EXOC4: variants seen among roughly 807,000 people sequenced by gnomAD.
EXOC4 encodes exocyst complex component 4, also known as SEC8-like 1.
Under a neutral mutation model 107.2 loss-of-function variants are expected in EXOC4, and 71 were observed. That is an observed-to-expected ratio of 0.66 (90% confidence interval 0.55 to 0.81). The LOEUF (loss-of-function observed/expected upper bound fraction) is 0.81. EXOC4 is among the 30% of genes least tolerant of loss of function. The probability of loss-of-function intolerance (pLI) is 0.00; values close to 1 mark genes in which losing one functional copy is unlikely to be tolerated. For missense variants in EXOC4, 1,108 were observed against 1,189.6 expected (o/e 0.93, Z 1.01); for synonymous variants, 456 against 441.2 (o/e 1.03, Z -0.42).
At chr7:133,573,570 T>C (rs1387397312) in intron 9 of EXOC4, among the ~76,000 whole-genome samples, 1 of 152,030 alleles carries the variant, frequency 6.6e-6, no homozygotes, top group East Asian at 1.9e-4. Flanking sequence ...AAGTATACAG[T>C]CCTGTGGAAC....
intron 11 of EXOC4, among the ~76,000 whole-genome samples, chr7:133,857,507 C>CT (rs71162036): frequency 1 from 147,830 of 147,832 alleles, 73,914 homozygotes; most frequent in Non-Finnish European, 1. Context: ...GTTCTGTCCC[C>CT]TGGGCTGCCA....
At chr7:133,270,439 A>G (rs999060845) in intron 1 of EXOC4, among the ~76,000 whole-genome samples, 1 of 152,180 alleles carries the variant, frequency 6.6e-6, no homozygotes, top group Non-Finnish European at 1.5e-5. Flanking sequence ...GATGAAAGCA[A>G]AAAAGATGGT....
intron 10 of EXOC4, among the ~76,000 whole-genome samples, chr7:133,632,554 A>T (rs948601612): frequency 2.0e-5 from 3 of 152,134 alleles, no homozygotes; most frequent in African/African-American, 7.2e-5. Context: ...TTGAGTTTTC[A>T]CACTTCAGCA....
At chr7:133,804,182 T>C (rs1797015799) in intron 10 of EXOC4, among the ~76,000 whole-genome samples, 1 of 152,192 alleles carries the variant, frequency 6.6e-6, no homozygotes, top group Non-Finnish European at 1.5e-5. Flanking sequence ...TTGTAGATAC[T>C]GTTCAGGCAA....
chr7:134,068,710 C>T (rs1796222007), downstream of EXOC4, among the ~76,000 whole-genome samples: 1 of 152,174 alleles, frequency 6.6e-6, no homozygotes, highest in African/African-American at 2.4e-5. Context: ...GAAGCCCCAC[C>T]CTCTCTCCAA....
intron 7 of EXOC4, among the ~76,000 whole-genome samples, chr7:133,377,283 G>T (rs1443990438): frequency 2.6e-5 from 4 of 152,170 alleles, no homozygotes; most frequent in Non-Finnish European, 4.4e-5. Context: ...GAACCTAGGA[G>T]GTGGAGGTTG....
chr7:133,861,973 G>T (rs1798543357), intron 11 of EXOC4, among the ~76,000 whole-genome samples: 1 of 152,170 alleles, frequency 6.6e-6, no homozygotes, highest in Non-Finnish European at 1.5e-5. Flanking sequence ...AGTTGGGAAT[G>T]TCAAAGGGAT....
intron 6 of EXOC4, among the ~76,000 whole-genome samples, chr7:133,368,536 T>A (rs1386923617): frequency 2.0e-5 from 3 of 152,162 alleles, no homozygotes; most frequent in East Asian, 3.8e-4. Context: ...TGCTTTTTTT[T>A]AAGTGTTACA....
At chr7:133,791,279 G>A (rs1237300997) in intron 10 of EXOC4, among the ~76,000 whole-genome samples, 2 of 152,174 alleles carry the variant, frequency 1.3e-5, no homozygotes, top group African/African-American at 4.8e-5. Flanking sequence ...GAATATGAAT[G>A]CATGCATGAT....
chr7:133,815,473 C>G (rs1797346610), intron 10 of EXOC4, among the ~76,000 whole-genome samples: 1 of 151,586 alleles, frequency 6.6e-6, no homozygotes, highest in Admixed American at 6.6e-5. Context: ...ATTTAGTACA[C>G]TGTAACATTA....
chr7:133,453,044 G>T (rs1798382731), intron 7 of EXOC4, among the ~76,000 whole-genome samples: 1 of 152,206 alleles, frequency 6.6e-6, no homozygotes, highest in East Asian at 1.9e-4. Flanking sequence ...TACCTTTTCT[G>T]GGAGGAGAAT....
At position 133,564,401 on chromosome 7, in the gene EXOC4, C is replaced by T. The variant is rs369953272; in HGVS notation, c.1418-65644C>T. On this transcript the variant is annotated intron_variant, in intron 9 of 17. Coordinates refer to ENST00000253861, the MANE Select transcript of EXOC4 (RefSeq NM_021807.4). ...AAATCCACCCCTACGATCCAGTCAC[C>T]TCCTACCAGGCTCTACCTCCAGTAC... Among the ~76,000 whole-genome samples the T allele has an allele frequency of 2.6e-5, 4 of 152,138 alleles. No homozygotes were observed. In the East Asian group the frequency reaches 7.7e-4, roughly 29 times the overall value.
chr7:133,887,874 A>G (rs965591454), intron 11 of EXOC4, among the ~76,000 whole-genome samples: 1 of 152,164 alleles, frequency 6.6e-6, no homozygotes, highest in African/African-American at 2.4e-5. Context: ...TAGCGTAGGG[A>G]CGTGTAGCCA....
intron 1 of EXOC4, among the ~76,000 whole-genome samples, chr7:133,259,930 A>G (rs1238430055): frequency 6.6e-6 from 1 of 152,168 alleles, no homozygotes. Context: ...TTACCTGTGT[A>G]ACCACTGTCC....
intron 14 of EXOC4, among the ~76,000 whole-genome samples, chr7:133,942,418 A>C (rs1293839523): frequency 6.6e-6 from 1 of 152,120 alleles, no homozygotes; most frequent in Non-Finnish European, 1.5e-5. Flanking sequence ...AGCCTCTTCT[A>C]ATTTTTTGGG....
At chr7:133,286,837 C>T (rs1389530504) in intron 2 of EXOC4, among the ~76,000 whole-genome samples, 1 of 152,192 alleles carries the variant, frequency 6.6e-6, no homozygotes, top group South Asian at 2.1e-4. Context: ...TGCAGTGTCT[C>T]ATGCCTCCCT....
intron 9 of EXOC4, among the ~76,000 whole-genome samples, chr7:133,512,019 A>G (rs1032361025): frequency 6.6e-6 from 1 of 152,190 alleles, no homozygotes. Flanking sequence ...TGTCGATGAG[A>G]CAAAATGGAT....
At position 133,444,485 on chromosome 7, in the gene EXOC4, C is replaced by T. The variant is rs74906462; in HGVS notation, c.1183-30843C>T. On this transcript the variant is annotated intron_variant, in intron 7 of 17. Coordinates refer to ENST00000253861, the MANE Select transcript of EXOC4 (RefSeq NM_021807.4). ...AGTCTTACAACCCCCTGCTTCCTGC[C>T]CCACGGAGCTTATGTCTTAGTGGGC... is the stretch of plus-strand genomic sequence containing the variant. Among the ~76,000 whole-genome samples the T allele has an allele frequency of 5.8e-3, 883 of 152,226 alleles. 9 individuals carry two copies. The highest frequency in any genetic ancestry group is 0.02 in the African/African-American group (823 of 41,520).
chr7:133,455,368 A>G (rs992307080), intron 7 of EXOC4, among the ~76,000 whole-genome samples: 28 of 152,154 alleles, frequency 1.8e-4, no homozygotes, highest in African/African-American at 6.8e-4. Flanking sequence ...AACCGTGGAA[A>G]GCAAAACCAT....
Sources: gnomAD v4.1 joint callset for allele counts (sites outside exome capture counted in the v4.1 genomes callset) on GRCh38, gnomAD v4.1.1 for gene constraint, MANE v1.5 for transcripts, NCBI Gene and HGNC (gene_info 2026-07-23, HGNC 2026-07-21) for gene names.